The following ZBTB7C variants were observed in gnomAD, a reference collection of about 807,000 sequenced individuals.
The protein encoded by ZBTB7C is zinc finger and BTB domain containing 7C, also known as zinc finger and BTB domain-containing protein 7C.
ZBTB7C carries 8 observed loss-of-function variants against 25.7 expected under a neutral mutation model. That is an observed-to-expected ratio of 0.31 (90% CI 0.18 to 0.56). The LOEUF (loss-of-function observed/expected upper bound fraction) is 0.56, where lower values mean the gene tolerates loss of function less well. ZBTB7C is among the 20% of genes least tolerant of loss of function. The pLI, the probability that ZBTB7C is intolerant of heterozygous loss-of-function variation, is 0.91. For missense variants in ZBTB7C, 824 were observed against 855.2 expected, an observed-to-expected ratio of 0.96 and a Z score of 0.46; for synonymous variants, 394 against 369.0, an observed-to-expected ratio of 1.07 and a Z score of -0.78.
intron 2 of ZBTB7C, among the ~76,000 whole-genome samples, chr18:48,243,100 T>A (rs1213683396): frequency 6.6e-6 from 1 of 151,744 alleles, no homozygotes; most frequent in East Asian, 1.9e-4. Context: ...CCATCTCCAC[T>A]AAAAATGTAA....
In ZBTB7C at chr18:48,151,048, G is replaced by T. The variant is rs148983659; in HGVS notation, c.-17+34886C>A. Among the ~76,000 whole-genome samples, 35 of 152,282 alleles carry T rather than the reference G, an allele frequency of 2.3e-4. No individual in the cohort carries two copies. The East Asian group carries it at 6.2e-3, about 27-fold the overall frequency. ...CAGATCTCTAAGGATGCATGCTGCC[G>T]ATATGGAAGAAGCAGTGACAACTGG... On this transcript the variant is annotated intron_variant, in intron 3 of 4. Coordinates refer to ENST00000590800, the MANE Select transcript of ZBTB7C (RefSeq NM_001318841.2).
At chr18:48,202,773 C>G (rs2042485863) in intron 2 of ZBTB7C, among the ~76,000 whole-genome samples, 1 of 151,978 alleles carries the variant, frequency 6.6e-6, no homozygotes, top group Non-Finnish European at 1.5e-5. Flanking sequence ...ACACGATGCA[C>G]TGGGTGCCCT....
intron 3 of ZBTB7C, among the ~76,000 whole-genome samples, chr18:48,154,428 C>T (rs2040772414): frequency 6.6e-6 from 1 of 152,166 alleles, no homozygotes; most frequent in Non-Finnish European, 1.5e-5. Flanking sequence ...CAGGGGAACC[C>T]CAGAGGATTG....
At chr18:48,171,466 C>A (rs2041478366) in intron 3 of ZBTB7C, among the ~76,000 whole-genome samples, 1 of 152,228 alleles carries the variant, frequency 6.6e-6, no homozygotes, top group Non-Finnish European at 1.5e-5. Flanking sequence ...TCATCCATCA[C>A]CAAATTCTAG....
chr18:48,342,807 G>A (rs1367722177), intron 1 of ZBTB7C, among the ~76,000 whole-genome samples: 1 of 152,146 alleles, frequency 6.6e-6, no homozygotes, highest in Non-Finnish European at 1.5e-5. Context: ...GTGGAATGGG[G>A]AGGGCCAGGA....
chr18:48,273,699 T>C (rs954255981), intron 2 of ZBTB7C, among the ~76,000 whole-genome samples: 1 of 152,074 alleles, frequency 6.6e-6, no homozygotes, highest in Non-Finnish European at 1.5e-5. Context: ...ATTGATTAAT[T>C]ATGGCTCATG....
At chr18:48,241,598 G>C (rs1329821579) in intron 2 of ZBTB7C, among the ~76,000 whole-genome samples, 1 of 152,154 alleles carries the variant, frequency 6.6e-6, no homozygotes, top group Admixed American at 6.5e-5. Context: ...ATCTGCTCCT[G>C]AATGATTGTT....
intron 2 of ZBTB7C, among the ~76,000 whole-genome samples, chr18:48,329,385 G>A (rs2046294787): frequency 6.6e-6 from 1 of 152,162 alleles, no homozygotes; most frequent in Non-Finnish European, 1.5e-5. Flanking sequence ...ACATGTTCAG[G>A]GGCGTGCAAA....
intron 3 of ZBTB7C, among the ~76,000 whole-genome samples, chr18:48,078,249 A>T (rs1248876271): frequency 6.6e-6 from 1 of 152,188 alleles, no homozygotes; most frequent in Admixed American, 6.5e-5. Flanking sequence ...AAGGGAAAGG[A>T]TCCTACCGGG....
intron 3 of ZBTB7C, chr18:48,165,031 A>T: frequency 3.3e-6 from 4 of 1,222,978 alleles, no homozygotes; most frequent in Non-Finnish European, 4.2e-6. Context: ...AAACAATTCT[A>T]TACATCCTGT....
At chr18:48,268,735 C>A (rs2044384863) in intron 2 of ZBTB7C, among the ~76,000 whole-genome samples, 1 of 90,464 alleles carries the variant, frequency 1.1e-5, no homozygotes, top group Non-Finnish European at 2.2e-5. Context: ...CTTGTCAAGA[C>A]ATATACATGT....
intron 2 of ZBTB7C, among the ~76,000 whole-genome samples, chr18:48,315,984 T>C (rs1378790811): frequency 6.6e-6 from 1 of 152,096 alleles, no homozygotes; most frequent in Non-Finnish European, 1.5e-5. Context: ...TCACTCCTCT[T>C]GTCTTCAGAG....
intron 3 of ZBTB7C, among the ~76,000 whole-genome samples, chr18:48,112,260 CTTTTT>C (rs1048802422): frequency 3.3e-5 from 4 of 120,048 alleles, no homozygotes; most frequent in South Asian, 2.7e-4. Flanking sequence ...TAATTTTTTT[CTTTTT>C]TTTTTTTTTT....
chr18:48,281,332 C>T (rs1173786055), intron 2 of ZBTB7C, among the ~76,000 whole-genome samples: 1 of 152,098 alleles, frequency 6.6e-6, no homozygotes, highest in East Asian at 1.9e-4. Flanking sequence ...AAGACTTAAA[C>T]ATTAGACCTA....
At chr18:48,061,341 C>T (rs1050414987) in intron 3 of ZBTB7C, among the ~76,000 whole-genome samples, 3 of 152,180 alleles carry the variant, frequency 2.0e-5, no homozygotes, top group African/African-American at 7.2e-5. Flanking sequence ...GTGGTCTGTG[C>T]ACTGAGGGGC....
chr18:48,152,378 G>A (rs961899000), intron 3 of ZBTB7C, among the ~76,000 whole-genome samples: 3 of 152,074 alleles, frequency 2.0e-5, no homozygotes, highest in Non-Finnish European at 4.4e-5. Context: ...ACTATAATTT[G>A]TTCGTTGTAT....
intron 3 of ZBTB7C, among the ~76,000 whole-genome samples, chr18:48,155,581 C>T (rs1031119281): frequency 4.0e-5 from 6 of 151,880 alleles, no homozygotes; most frequent in South Asian, 4.2e-4. Flanking sequence ...ATGATCTGCC[C>T]GCCTCAGCCT....
At chr18:48,228,741 T>TCA (rs1223661928) in intron 2 of ZBTB7C, among the ~76,000 whole-genome samples, 11 of 66,232 alleles carry the variant, frequency 1.7e-4, no homozygotes, top group South Asian at 5.4e-4. Flanking sequence ...TGTCTCTCTC[T>TCA]CTCTCTCACA....
chr18:48,194,805 G>A (rs926526511), intron 2 of ZBTB7C, among the ~76,000 whole-genome samples: 1 of 151,720 alleles, frequency 6.6e-6, no homozygotes, highest in Non-Finnish European at 1.5e-5. Flanking sequence ...GATAGCTGTG[G>A]GGAAGGGAGA....
Sources: gnomAD v4.1 joint callset for allele counts (sites outside exome capture counted in the v4.1 genomes callset) on GRCh38, gnomAD v4.1.1 for gene constraint, MANE v1.5 for transcripts, NCBI Gene and HGNC (gene_info 2026-07-23, HGNC 2026-07-21) for gene names.